PLEKHG5: variants seen among roughly 807,000 people sequenced by gnomAD.
PLEKHG5 encodes the protein pleckstrin homology domain-containing family G member 5.
In PLEKHG5, 52 loss-of-function variants were observed where a neutral mutation model predicts 103.8. The ratio of observed to expected loss-of-function variants is 0.50; its 90% confidence interval spans 0.40 to 0.63. The LOEUF is 0.63. PLEKHG5 is among the 30% of genes least tolerant of loss of function. The pLI is 0.00. For synonymous variants in PLEKHG5, 592 were observed against 575.5 expected, an observed-to-expected ratio of 1.03 and a Z score of -0.41; for missense variants, 1,205 against 1,347.6, an observed-to-expected ratio of 0.89 and a Z score of 1.66.
chr1:6,473,976 T>TCCCCCCCCCCCCCCC, intron 7 of PLEKHG5, 37 bp downstream of exon 7: 1 of 1,265,562 alleles, frequency 7.9e-7, no homozygotes, highest in South Asian at 1.3e-5. Context: ...CTGGGCCCCT[T>TCCCCCCCCCCCCCCC]CCCACCCCCT....
rs776959400 is a variant in PLEKHG5 at position 6,468,089 on chromosome 1, G to A, written c.2747C>T (p.Thr916Ile). 3.8e-6 allele frequency: 6 copies of A among 1,584,674 alleles called. No homozygotes were observed. Among genetic ancestry groups the A allele is most frequent in the Non-Finnish European group, 5.1e-6 (6 of 1,166,874 alleles). Reference sequence around the variant, plus strand: ...CCCAGCTTCCTGAGGGGAGCCCTGAGTCCTAATACCTGGGGCTGGAACAGC... The same window carrying A: ...CCCAGCTTCCTGAGGGGAGCCCTGAATCCTAATACCTGGGGCTGGAACAGC... The part of the protein sequence containing the change: ...CLAVPAPGIR[T>I]QGSPQEAGPS... Residue 916 changes from threonine (T) to isoleucine (I), a missense_variant, in exon 20 of 21, where the codon ACT (threonine) becomes ATT (isoleucine). Coordinates refer to ENST00000377728, the MANE Select transcript of PLEKHG5 (RefSeq NM_020631.6).
rs980936113 is a variant in PLEKHG5 at position 6,486,111 on chromosome 1, A to G, written c.-88+5526T>C. ...ACACGCACGGTCCCTCCCAGCCAGA[A>G]GGGTACCTTCCCTCCTCCCTTCCTC... is the stretch of plus-strand genomic sequence containing the variant. On this transcript the variant is annotated intron_variant, in intron 1 of 20. Coordinates refer to ENST00000377728, the MANE Select transcript of PLEKHG5 (RefSeq NM_020631.6). The surrounding 1 kb of genome is among the most constrained non-coding windows in gnomAD (Gnocchi z 5.3). Among the ~76,000 whole-genome samples, 7 of 150,690 alleles carry G rather than the reference A, an allele frequency of 4.6e-5. No homozygotes were observed. The highest frequency in any genetic ancestry group is 1.5e-4 in the African/African-American group (6 of 40,838).
chr1:6,497,363 G>T, upstream of PLEKHG5: 2 of 1,090,486 alleles, frequency 1.8e-6, no homozygotes, highest in South Asian at 9.2e-5. The surrounding 1 kb of genome is among the most constrained non-coding windows in gnomAD (Gnocchi z 6.1). Flanking sequence ...GGCGGCGGGC[G>T]GGGGCGCCGG....
chr1:6,471,107 C>A lies in PLEKHG5; in HGVS notation c.1282-7G>T, dbSNP rs780551776. On this transcript the variant is annotated splice_region_variant and splice_polypyrimidine_tract_variant and intron_variant, in intron 12 of 20. Transcript: ENST00000377728. The stretch of plus-strand genomic sequence containing the variant: ...GCTTGAAGAGCGAGCCGAACTGGCC[C>A]GGGGCAGAACAACCACGGCGCCGGT... 2.5e-6 allele frequency: 4 copies of A among 1,569,932 alleles called. No homozygotes were observed. Among genetic ancestry groups the A allele is most frequent in the East Asian group, 4.8e-5 (2 of 41,798 alleles).
In PLEKHG5 at chr1:6,480,655, C is replaced by CT. The variant is rs201796437; in HGVS notation, c.-87-2998dup. 1.8e-3 allele frequency among the ~76,000 whole-genome samples: 268 copies of CT among 146,016 alleles called. 2 individuals are homozygous for CT. The highest frequency in any genetic ancestry group is 8.1e-3 in the South Asian group (37 of 4,572). On this transcript the variant is annotated intron_variant, in intron 1 of 20. Coordinates refer to ENST00000377728, the MANE Select transcript of PLEKHG5 (RefSeq NM_020631.6). ...TGATGGCTGCAAGGTGGGGGATTTC[C>CT]TTTTTTTTTTTGAGACAGGGTCTCA...
intron 12 of PLEKHG5, 193 bp downstream of exon 12, chr1:6,471,295 G>A (rs1644577060): frequency 1.3e-6 from 1 of 773,450 alleles, no homozygotes; most frequent in South Asian, 1.7e-5. Context: ...AGGGATCAGG[G>A]GTAGATGGTC....
chr1:6,484,398 T>C (rs2148611672), intron 1 of PLEKHG5, among the ~76,000 whole-genome samples: 1 of 152,302 alleles, frequency 6.6e-6, no homozygotes, highest in South Asian at 2.1e-4. Context: ...TCAGGGGCAC[T>C]GGGGGCACAG....
At chr1:6,515,409 C>T (rs1469763091) in intron 1 of PLEKHG5, among the ~76,000 whole-genome samples, 2 of 152,122 alleles carry the variant, frequency 1.3e-5, no homozygotes, top group African/African-American at 2.4e-5. Context: ...CGCCTGTAGT[C>T]CCAGCTATTG....
At position 6,475,378 on chromosome 1, in the gene PLEKHG5, C is replaced by T; in HGVS notation, c.210+84G>A. ...CACCCTGGGATGCAGACCTCCCCAC[C>T]CCCATCCCGGAGGAAGGCCCAGGCT... On this transcript the variant is annotated intron_variant, in intron 4 of 20. Coordinates refer to ENST00000377728, the MANE Select transcript of PLEKHG5 (RefSeq NM_020631.6). 3.3e-6 allele frequency: 4 copies of T among 1,213,802 alleles called. No individual in the cohort carries two copies. The South Asian group carries it at 3.6e-5, about 11-fold the overall frequency. The allele number at this position is 1,213,802 out of a possible 1,614,324, so 75.2% of individuals were successfully genotyped here.
intron 1 of PLEKHG5, among the ~76,000 whole-genome samples, chr1:6,509,031 G>T (rs1317859902): frequency 6.6e-6 from 1 of 152,208 alleles, no homozygotes; most frequent in Non-Finnish European, 1.5e-5. Context: ...GGAGCTAGAG[G>T]CCCGAGAGAG....
intron 20 of PLEKHG5, 75 bp downstream of exon 20, chr1:6,467,750 G>T: frequency 6.4e-7 from 1 of 1,563,400 alleles, no homozygotes; most frequent in South Asian, 1.1e-5. Context: ...CCCCAAATGC[G>T]ATGCTCCCAG....
At position 6,468,059 on chromosome 1, in the gene PLEKHG5, C is replaced by T. The variant is rs1313621378; in HGVS notation, c.2777G>A (p.Ser926Asn). 6.4e-7 allele frequency: 1 copy of T among 1,571,116 alleles called. No homozygotes were observed. ...GCTAGGGGCCCCTCGGCAATCCCAG[C>T]TGGGCCCAGCTTCCTGAGGGGAGCC... Reference protein sequence around the residue: ...TQGSPQEAGPSWDCRGAPSPG... With the variant: ...TQGSPQEAGPNWDCRGAPSPG... Residue 926 changes from serine (S) to asparagine (N), a missense_variant, in exon 20 of 21, where the codon AGC becomes AAC. Coordinates refer to ENST00000377728, the MANE Select transcript of PLEKHG5 (RefSeq NM_020631.6).
At chr1:6,482,140 C>T (rs1351768591) in intron 1 of PLEKHG5, among the ~76,000 whole-genome samples, 1 of 152,130 alleles carries the variant, frequency 6.6e-6, no homozygotes, top group East Asian at 1.9e-4. Context: ...CCCTCCCCTC[C>T]TGCTAGCTTC....
chr1:6,478,272 C>A (rs527269303), intron 1 of PLEKHG5, among the ~76,000 whole-genome samples: 3 of 152,116 alleles, frequency 2.0e-5, no homozygotes, highest in Non-Finnish European at 4.4e-5. Context: ...CCCAGACTCA[C>A]GTGATCCTCG....
rs1557739505 is a variant in PLEKHG5, at chr1:6,470,573, A to AGCCGCTGCCGCTCCT, written c.1598_1612dup (p.Gln533_Arg537dup). 9 of 1,582,856 alleles carry AGCCGCTGCCGCTCCT rather than the reference A, an allele frequency of 5.7e-6. No homozygotes were observed. Among genetic ancestry groups the AGCCGCTGCCGCTCCT allele is most frequent in the Non-Finnish European group, 7.7e-6 (9 of 1,172,134 alleles). ...GTCGATGCGGCTCACCACGGCCGCC[A>AGCCGCTGCCGCTCCT]GCCGCTGCCGCTCCTGCCGCTGCCG... is the stretch of plus-strand genomic sequence containing the variant. On this transcript the variant is annotated inframe_insertion, in exon 15 of 21. Coordinates refer to ENST00000377728, the MANE Select transcript of PLEKHG5 (RefSeq NM_020631.6).
intron 18 of PLEKHG5, 36 bp from the exon 19 acceptor site, chr1:6,469,277 G>A (rs1268986951): frequency 6.2e-7 from 1 of 1,613,548 alleles, no homozygotes; most frequent in Non-Finnish European, 8.5e-7. Context: ...GACAGAATGG[G>A]TTGTGACCAG....
At position 6,475,505 on chromosome 1, in the gene PLEKHG5, C is replaced by G; in HGVS notation, c.167G>C (p.Gly56Ala). 4.3e-6 allele frequency: 7 copies of G among 1,613,530 alleles called. No individual in the cohort carries two copies. The highest frequency in any genetic ancestry group is 5.9e-6 in the Non-Finnish European group (7 of 1,179,930). The change falls in exon 4 of 21, where the codon GGC becomes GCC. Residue 56 changes from glycine to alanine, a missense_variant. Transcript: ENST00000377728. ...VDGKGDRKST[G>A]LKLSKKKARR... is the part of the protein sequence containing the mutation. ...TGCTTTCTTCTTGGAGAGTTTCAGG[C>G]CTGTGCTCTTCCGGTCCCTGCAGGG...
Position 6,470,992 on chromosome 1 carries a change from T to C in PLEKHG5, c.1390A>G (p.Thr464Ala). The change falls in exon 13 of 21, where the codon ACG becomes GCG. Residue 464 changes from threonine to alanine, a missense_variant and splice_region_variant. Transcript: ENST00000377728. ...RDNDLFRAYITWAEKHPQCQR... is the reference protein window; with the variant it reads ...RDNDLFRAYIAWAEKHPQCQR... ...GCCCACGGCACGCGCGCCCTCACCGTGATGTAGGCCCGGAAGAGGTCGTTG... is the reference window on the plus strand; with the variant it reads ...GCCCACGGCACGCGCGCCCTCACCGCGATGTAGGCCCGGAAGAGGTCGTTG... The C allele has an allele frequency of 6.3e-7, 1 of 1,593,360 alleles. No homozygotes were observed. The highest frequency in any genetic ancestry group is 8.5e-7 in the Non-Finnish European group (1 of 1,170,694).
intron 1 of PLEKHG5, chr1:6,485,491 G>T (rs1645009294): frequency 3.2e-6 from 4 of 1,241,668 alleles, no homozygotes; most frequent in Non-Finnish European, 4.0e-6. Flanking sequence ...GACAAAGCGC[G>T]GAGCCCCGCT....
Sources: allele counts gnomAD v4.1 joint callset (sites outside exome capture counted in the v4.1 genomes callset), GRCh38; gene constraint gnomAD v4.1.1; non-coding constraint Gnocchi (gnomAD v3.1); transcripts MANE v1.5; gene names NCBI Gene and HGNC (gene_info 2026-07-23, HGNC 2026-07-21).